The following PGPEP1 variants were observed in gnomAD, a reference collection of about 807,000 sequenced individuals.
PGPEP1 encodes pyroglutamyl-peptidase 1.
Under a neutral mutation model 24.1 loss-of-function variants are expected in PGPEP1, and 15 were observed. That is an observed-to-expected ratio of 0.62 (90% CI 0.42 to 0.96). The LOEUF (loss-of-function observed/expected upper bound fraction) is 0.96, where lower values mean the gene tolerates loss of function less well. PGPEP1 is among the 40% of genes least tolerant of loss of function. PGPEP1 has a pLI of 0.00. For synonymous variants in PGPEP1, 122 were observed against 116.4 expected, an observed-to-expected ratio of 1.05 and a Z score of -0.31; for missense variants, 242 against 273.4, an observed-to-expected ratio of 0.89 and a Z score of 0.81.
intron 3 of PGPEP1, among the ~76,000 whole-genome samples, 181 bp from the exon 4 acceptor site, chr19:18,357,202 G>A (rs140093804): frequency 4.3e-4 from 65 of 152,308 alleles, no homozygotes; most frequent in Admixed American, 1.2e-3. Context: ...ATTCTTGCCT[G>A]TCTTACATGG....
At chr19:18,340,749 G>T in intron 1 of PGPEP1, 34 bp downstream of exon 1, 1 of 1,432,604 alleles carries the variant, frequency 7.0e-7, no homozygotes, top group Non-Finnish European at 9.2e-7. Flanking sequence ...AGCGGCAGCG[G>T]CCGGGGGCAG....
At chr19:18,343,539 C>G (rs530340894) in intron 2 of PGPEP1, among the ~76,000 whole-genome samples, 7 of 152,210 alleles carry the variant, frequency 4.6e-5, no homozygotes, top group African/African-American at 1.2e-4. Context: ...CAGAAGTGCC[C>G]CAGGCCCTGG....
intron 2 of PGPEP1, among the ~76,000 whole-genome samples, chr19:18,348,471 C>T (rs921480325): frequency 3.9e-5 from 6 of 152,156 alleles, no homozygotes; most frequent in Admixed American, 6.5e-5. Context: ...CGTCCTTTCA[C>T]GGTGTATGCT....
At chr19:18,348,778 A>G (rs1970934429) in intron 2 of PGPEP1, among the ~76,000 whole-genome samples, 1 of 151,710 alleles carries the variant, frequency 6.6e-6, no homozygotes, top group African/African-American at 2.4e-5. Context: ...TTGTTTTGAG[A>G]TGGGGTCTTG....
intron 2 of PGPEP1, among the ~76,000 whole-genome samples, chr19:18,343,736 T>G (rs1456581362): frequency 1.4e-5 from 2 of 140,048 alleles, no homozygotes; most frequent in African/African-American, 5.4e-5. Context: ...CAGGCTGGAG[T>G]GCAGTGGCGC....
At position 18,364,084 on chromosome 19, in the gene PGPEP1, C is replaced by CTTGCT. The variant is rs1555713526; in HGVS notation, c.*503_*504insGCTTT. 7 of 98,050 alleles carry CTTGCT rather than the reference C, an allele frequency of 7.1e-5. No individual in the cohort carries two copies. The highest frequency in any genetic ancestry group is 2.6e-4 in the East Asian group (1 of 3,886). 6.1% of individuals were successfully genotyped at this position (98,050 alleles called of 1,614,324 possible). On this transcript the variant is annotated 3_prime_UTR_variant, in exon 5 of 5. Transcript: ENST00000269919. ...CCCTGGGATATGGCTGGCTGGCTGGCTTTCTTTCTTTCTTTCTTTCTTTCT... is the reference window on the plus strand; with the variant it reads ...CCCTGGGATATGGCTGGCTGGCTGGCTTGCTTTTCTTTCTTTCTTTCTTTCTTTCT...
At position 18,363,884 on chromosome 19, in the gene PGPEP1, T is replaced by C; in HGVS notation, c.*301T>C. On this transcript the variant is annotated 3_prime_UTR_variant, in exon 5 of 5. Transcript: ENST00000269919. ...CCAGGGAGAATCTTGGTCTGGTGAATCCATGAGCTGCGATACCACGGCTGG... is the reference window on the plus strand; with the variant it reads ...CCAGGGAGAATCTTGGTCTGGTGAACCCATGAGCTGCGATACCACGGCTGG... 3.4e-6 allele frequency: 1 copy of C among 296,142 alleles called. No homozygotes were observed. The highest frequency in any genetic ancestry group is 6.4e-6 in the Non-Finnish European group (1 of 156,346). 18.3% of individuals were successfully genotyped at this position (296,142 alleles called of 1,614,324 possible).
At chr19:18,346,621 GTC>G (rs1310961304) in intron 2 of PGPEP1, among the ~76,000 whole-genome samples, 2 of 141,112 alleles carry the variant, frequency 1.4e-5, no homozygotes, top group Admixed American at 7.5e-5. Flanking sequence ...ATCTGTGTGT[GTC>G]TGTTTCTCTC....
intron 1 of PGPEP1, among the ~76,000 whole-genome samples, chr19:18,342,048 C>T (rs1486353793): frequency 1.3e-5 from 2 of 152,064 alleles, no homozygotes; most frequent in South Asian, 2.1e-4. Context: ...GCTGGAATTA[C>T]GGGCACGCAT....
At chr19:18,357,861 C>T (rs371981825) in intron 4 of PGPEP1, 2 of 529,380 alleles carry the variant, frequency 3.8e-6, no homozygotes, top group East Asian at 3.3e-5. Context: ...CACCTGGACA[C>T]TGCCCCAGCC....
chr19:18,359,804 C>T (rs1012938894), intron 4 of PGPEP1, among the ~76,000 whole-genome samples: 6 of 152,016 alleles, frequency 3.9e-5, no homozygotes, highest in East Asian at 1.9e-4. Context: ...TGAGCCACCG[C>T]GCCTGGCCCT....
intron 1 of PGPEP1, among the ~76,000 whole-genome samples, chr19:18,341,818 C>T (rs1189726893): frequency 2.0e-5 from 3 of 152,114 alleles, no homozygotes; most frequent in African/African-American, 4.8e-5. Context: ...TAGGAGGTCC[C>T]CTCCTGAGCC....
At chr19:18,345,899 A>G (rs915450439) in intron 2 of PGPEP1, among the ~76,000 whole-genome samples, 2 of 151,740 alleles carry the variant, frequency 1.3e-5, no homozygotes, top group Non-Finnish European at 2.9e-5. Flanking sequence ...ATTAGCCAGA[A>G]ATCACTTGAA....
At chr19:18,354,892 G>C (rs190325015) in intron 2 of PGPEP1, among the ~76,000 whole-genome samples, 21 of 151,822 alleles carry the variant, frequency 1.4e-4, no homozygotes, top group African/African-American at 3.9e-4. Flanking sequence ...TGCCAGACAT[G>C]GTGCTTAGAA....
In PGPEP1 at chr19:18,364,654, C is replaced by T. The variant is rs953271331; in HGVS notation, c.*1071C>T. On this transcript the variant is annotated 3_prime_UTR_variant, in exon 5 of 5. Transcript: ENST00000269919. ...AAGATGGCATGTCTTTGTTTTAGGG[C>T]CAAAAATGAGGCCCCCTTGCTTAAG... The T allele has an allele frequency of 5.3e-5, 8 of 152,024 alleles. No homozygotes were observed. Among genetic ancestry groups the T allele is most frequent in the African/African-American group, 1.9e-4 (8 of 41,360 alleles). 9.4% of individuals were successfully genotyped at this position (152,024 alleles called of 1,614,324 possible). A position where few individuals can be genotyped will look rare whatever the true frequency, so the allele number is the denominator to read the frequency against.
chr19:18,349,959 C>T (rs1046146955), intron 2 of PGPEP1, among the ~76,000 whole-genome samples: 4 of 152,058 alleles, frequency 2.6e-5, no homozygotes, highest in African/African-American at 7.2e-5. Context: ...AACTCCTGGC[C>T]TCAAGTGGTC....
intron 3 of PGPEP1, among the ~76,000 whole-genome samples, chr19:18,356,884 C>T (rs932896460): frequency 6.6e-6 from 1 of 152,076 alleles, no homozygotes; most frequent in Non-Finnish European, 1.5e-5. Flanking sequence ...ACTAAAAATA[C>T]AGAATTAGCC....
In PGPEP1 at chr19:18,340,721, C is replaced by T. The variant is rs1970646643; in HGVS notation, c.34+6C>T. 1 of 1,521,970 alleles carries T rather than the reference C, an allele frequency of 6.6e-7. No individual in the cohort carries two copies. Among genetic ancestry groups the T allele is most frequent in the Non-Finnish European group, 8.8e-7 (1 of 1,134,530 alleles). 94.3% of individuals were successfully genotyped at this position (1,521,970 alleles called of 1,614,324 possible). A position where few individuals can be genotyped will look rare whatever the true frequency, so the allele number is the denominator to read the frequency against. ...GAAGGCGGTGGTAGTGACGGGTACG[C>T]TGGCTGATGGGGGCTGTAGCGGCAG... On this transcript the variant is annotated splice_donor_region_variant and intron_variant, in intron 1 of 4. Transcript: ENST00000269919.
At chr19:18,340,781 T>C in intron 1 of PGPEP1, 66 bp downstream of exon 1, 5 of 1,219,152 alleles carry the variant, frequency 4.1e-6, no homozygotes, top group Middle Eastern at 2.8e-4. Flanking sequence ...GCTCCGGGAC[T>C]GCGGGGCCGA....
Sources: gnomAD v4.1 joint callset for allele counts (sites outside exome capture counted in the v4.1 genomes callset) on GRCh38, gnomAD v4.1.1 for gene constraint, MANE v1.5 for transcripts, NCBI Gene and HGNC (gene_info 2026-07-23, HGNC 2026-07-21) for gene names.